SDK1: variants seen among roughly 807,000 people sequenced by gnomAD.
SDK1 encodes the protein protein sidekick-1.
SDK1 carries 157 observed loss-of-function variants against 245.5 expected under a neutral mutation model. That is an observed-to-expected ratio of 0.64 (90% confidence interval 0.56 to 0.73). The LOEUF is 0.73. Ranked by LOEUF, SDK1 falls within the 30% of genes least tolerant of loss-of-function variation. The pLI, the probability that SDK1 is intolerant of heterozygous loss-of-function variation, is 0.00. For missense variants in SDK1, 3,583 were observed against 3,002.3 expected (o/e 1.19, Z -4.52); for synonymous variants, 1,647 against 1,278.5 (o/e 1.29, Z -6.15).
At chr7:3,724,122 CT>C (rs1778936944) in intron 4 of SDK1, among the ~76,000 whole-genome samples, 1 of 151,966 alleles carries the variant, frequency 6.6e-6, no homozygotes, top group Non-Finnish European at 1.5e-5. Context: ...TGCCACCATG[CT>C]CAGCTAATTT....
intron 1 of SDK1, among the ~76,000 whole-genome samples, chr7:3,495,689 C>G (rs149309758): frequency 2.4e-4 from 37 of 152,332 alleles, no homozygotes; most frequent in African/African-American, 8.7e-4. Context: ...CCGTGTGGTT[C>G]CTGCGTCAGT....
chr7:4,183,758 G>A (rs778957455), intron 35 of SDK1, among the ~76,000 whole-genome samples: 10 of 152,144 alleles, frequency 6.6e-5, no homozygotes, highest in East Asian at 1.9e-4. Flanking sequence ...ACCCCCAAAC[G>A]AGGAGGGGGA....
At chr7:3,591,787 G>T (rs1039884635) in intron 1 of SDK1, among the ~76,000 whole-genome samples, 2 of 152,138 alleles carry the variant, frequency 1.3e-5, no homozygotes, top group Admixed American at 6.5e-5. Flanking sequence ...TAAACATGAA[G>T]CTCATTTTTA....
chr7:3,924,327 G>A (rs1348713425), intron 5 of SDK1, among the ~76,000 whole-genome samples: 1 of 152,138 alleles, frequency 6.6e-6, no homozygotes, highest in Non-Finnish European at 1.5e-5. Context: ...ATTTTCTAGC[G>A]CAGCTGCCCT....
At chr7:3,655,413 A>G (rs974431396) in intron 4 of SDK1, among the ~76,000 whole-genome samples, 1 of 142,188 alleles carries the variant, frequency 7.0e-6, no homozygotes, top group African/African-American at 2.6e-5. Context: ...AGCCTGGGCA[A>G]CAAGAGCGCA....
intron 5 of SDK1, among the ~76,000 whole-genome samples, chr7:3,863,869 T>G (rs1047196418): frequency 1.3e-5 from 2 of 152,218 alleles, no homozygotes; most frequent in African/African-American, 2.4e-5. Context: ...GCCTTTTGGC[T>G]GTTGTGAATC....
intron 1 of SDK1, among the ~76,000 whole-genome samples, chr7:3,433,196 C>A (rs900201170): frequency 2.4e-4 from 37 of 152,176 alleles, no homozygotes; most frequent in African/African-American, 8.2e-4. Flanking sequence ...AGAGAATATG[C>A]CTGGCTTCGT....
At chr7:3,413,357 C>A (rs1423046383) in intron 1 of SDK1, among the ~76,000 whole-genome samples, 1 of 152,150 alleles carries the variant, frequency 6.6e-6, no homozygotes, top group Non-Finnish European at 1.5e-5. Context: ...TAAGGAGTTG[C>A]AAGATTTCAA....
At chr7:4,070,625 C>T (rs1332944242) in intron 20 of SDK1, among the ~76,000 whole-genome samples, 1 of 152,186 alleles carries the variant, frequency 6.6e-6, no homozygotes. Context: ...CTCCTGTAAT[C>T]ATCTGTGCCA....
chr7:4,030,064 G>T (rs1787676043), intron 17 of SDK1, among the ~76,000 whole-genome samples: 1 of 152,156 alleles, frequency 6.6e-6, no homozygotes, highest in Non-Finnish European at 1.5e-5. Flanking sequence ...CGAGGTAAAT[G>T]GCAGCACCAT....
intron 4 of SDK1, among the ~76,000 whole-genome samples, chr7:3,816,946 T>A (rs1304512028): frequency 6.6e-6 from 1 of 151,768 alleles, no homozygotes; most frequent in Non-Finnish European, 1.5e-5. Context: ...CAATTGAAAC[T>A]AGTCAAATGT....
At chr7:4,132,735 AG>A (rs1202019712) in intron 28 of SDK1, among the ~76,000 whole-genome samples, 2 of 152,116 alleles carry the variant, frequency 1.3e-5, no homozygotes, top group African/African-American at 2.4e-5. Flanking sequence ...CCCCAAAATA[AG>A]AAAAAAAAAG....
At chr7:3,813,588 T>A (rs1176008171) in intron 4 of SDK1, among the ~76,000 whole-genome samples, 1 of 150,882 alleles carries the variant, frequency 6.6e-6, no homozygotes, top group African/African-American at 2.5e-5. Flanking sequence ...GCATGTGTCT[T>A]TACAGCAGCA....
intron 32 of SDK1, among the ~76,000 whole-genome samples, chr7:4,164,414 C>T (rs1051554709): frequency 7.9e-5 from 12 of 152,104 alleles, no homozygotes; most frequent in Non-Finnish European, 1.3e-4. Context: ...CCCCCAGACC[C>T]GAGCTTCAGC....
chr7:4,157,478 G>GAAGGAAGGGAGGAAGGA (rs1554368283), intron 30 of SDK1, among the ~76,000 whole-genome samples: 7 of 136,010 alleles, frequency 5.1e-5, no homozygotes, highest in East Asian at 4.7e-4. Flanking sequence ...AGGAAGGAGG[G>GAAGGAAGGGAGGAAGGA]AAGGAAGGGA....
intron 1 of SDK1, among the ~76,000 whole-genome samples, chr7:3,350,771 T>A (rs1417252908): frequency 1.3e-5 from 2 of 152,174 alleles, no homozygotes; most frequent in African/African-American, 4.8e-5. Context: ...ACTGGCTTGT[T>A]TACTTCTCAC....
chr7:3,542,727 TGTTAG>T (rs1387552358), intron 1 of SDK1, among the ~76,000 whole-genome samples: 1 of 152,184 alleles, frequency 6.6e-6, no homozygotes, highest in Non-Finnish European at 1.5e-5. Flanking sequence ...AGAAACTGTG[TGTTAG>T]GTTTGGTTTT....
At chr7:3,470,354 C>G (rs567022938) in intron 1 of SDK1, among the ~76,000 whole-genome samples, 157 of 152,064 alleles carry the variant, frequency 1.0e-3, no homozygotes, top group Non-Finnish European at 2.0e-3. Context: ...AAGGTACTAC[C>G]CTGAAAACGT....
intron 1 of SDK1, among the ~76,000 whole-genome samples, chr7:3,556,113 CTTCT>C (rs1339442958): frequency 6.6e-6 from 1 of 152,154 alleles, no homozygotes. Flanking sequence ...GGTATCTGTA[CTTCT>C]ATGTTTTTTG....
Sources: allele counts gnomAD v4.1 joint callset (sites outside exome capture counted in the v4.1 genomes callset), GRCh38; gene constraint gnomAD v4.1.1; transcripts MANE v1.5; gene names NCBI Gene and HGNC (gene_info 2026-07-23, HGNC 2026-07-21).